TAFA5: variants seen among roughly 807,000 people sequenced by gnomAD.
TAFA5 encodes the protein chemokine-like protein TAFA-5.
Under a neutral mutation model 15.3 loss-of-function variants are expected in TAFA5, and 6 were observed. That is an observed-to-expected ratio of 0.39 (90% confidence interval 0.21 to 0.77). The LOEUF (loss-of-function observed/expected upper bound fraction) is 0.77. Ranked by LOEUF, TAFA5 falls within the 30% of genes least tolerant of loss-of-function variation. TAFA5 has a pLI of 0.41. For missense variants in TAFA5, 161 were observed against 193.1 expected (o/e 0.83, Z 0.98); for synonymous variants, 103 against 80.7 (o/e 1.28, Z -1.48).
At chr22:48,494,329 G>T (rs1040928605) in intron 1 of TAFA5, among the ~76,000 whole-genome samples, 1 of 152,136 alleles carries the variant, frequency 6.6e-6, no homozygotes, top group Non-Finnish European at 1.5e-5. Flanking sequence ...AAAATGTGGC[G>T]CTCTGGAGTT....
At chr22:48,559,183 G>T (rs986229966) in intron 1 of TAFA5, among the ~76,000 whole-genome samples, 2 of 152,220 alleles carry the variant, frequency 1.3e-5, no homozygotes, top group Non-Finnish European at 2.9e-5. Context: ...GGGCCATGGT[G>T]TTTTGTGGTG....
chr22:48,610,194 A>G (rs922420960), intron 1 of TAFA5, among the ~76,000 whole-genome samples: 1 of 151,922 alleles, frequency 6.6e-6, no homozygotes, highest in African/African-American at 2.4e-5. Flanking sequence ...GTGGCCCCCG[A>G]GAAGGGCCTG....
chr22:48,650,844 G>A (rs1040547542), intron 2 of TAFA5, among the ~76,000 whole-genome samples: 3 of 152,230 alleles, frequency 2.0e-5, no homozygotes, highest in African/African-American at 4.8e-5. Context: ...GCACCCAGGT[G>A]CGTGATGCCC....
At chr22:48,685,708 G>T (rs78014641) in intron 2 of TAFA5, among the ~76,000 whole-genome samples, 8,775 of 151,880 alleles carry the variant, frequency 0.058, 341 homozygotes, top group South Asian at 0.16. Context: ...GGCCTATGGG[G>T]GTGTCTGTTC....
intron 1 of TAFA5, among the ~76,000 whole-genome samples, chr22:48,498,957 G>C (rs1260342396): frequency 6.6e-6 from 1 of 152,322 alleles, no homozygotes; most frequent in East Asian, 1.9e-4. Context: ...GGGCCAGCGT[G>C]GGGGTCTGAG....
intron 2 of TAFA5, among the ~76,000 whole-genome samples, chr22:48,694,293 A>G (rs118125542): frequency 0.031 from 4,793 of 152,356 alleles, 103 homozygotes; most frequent in Non-Finnish European, 0.049. Context: ...CAACGCTCAG[A>G]AAGCTGGGGA....
At chr22:48,679,671 C>T (rs1442202027) in intron 2 of TAFA5, among the ~76,000 whole-genome samples, 1 of 123,628 alleles carries the variant, frequency 8.1e-6, no homozygotes, top group African/African-American at 3.5e-5. Flanking sequence ...CCATCCCTCT[C>T]CCGTCTCCCC....
intron 1 of TAFA5, among the ~76,000 whole-genome samples, chr22:48,540,193 G>A (rs962974628): frequency 1.3e-5 from 2 of 152,200 alleles, no homozygotes; most frequent in African/African-American, 4.8e-5. Context: ...GGTTAGACCC[G>A]TGTAGGTCAC....
chr22:48,563,477 T>G (rs1923307450), intron 1 of TAFA5, among the ~76,000 whole-genome samples: 2 of 152,196 alleles, frequency 1.3e-5, no homozygotes, highest in African/African-American at 4.8e-5. Flanking sequence ...TCTGAGTGTC[T>G]GAAGGCGGGT....
chr22:48,736,589 T>G (rs929375943), intron 3 of TAFA5, among the ~76,000 whole-genome samples: 1 of 152,208 alleles, frequency 6.6e-6, no homozygotes, highest in Non-Finnish European at 1.5e-5. Flanking sequence ...AGAGCCCAAG[T>G]GTCCGTCAGC....
intron 3 of TAFA5, among the ~76,000 whole-genome samples, chr22:48,720,573 C>G (rs903509535): frequency 2.0e-5 from 3 of 152,118 alleles, no homozygotes; most frequent in Non-Finnish European, 2.9e-5. Flanking sequence ...CCGTGCATAG[C>G]CAGGACAGAG....
At chr22:48,504,743 G>A (rs1360745593) in intron 1 of TAFA5, among the ~76,000 whole-genome samples, 1 of 152,204 alleles carries the variant, frequency 6.6e-6, no homozygotes, top group African/African-American at 2.4e-5. Context: ...TGTTCTGGGA[G>A]CTTATCAGAG....
At chr22:48,692,563 C>T (rs1005429217) in intron 2 of TAFA5, among the ~76,000 whole-genome samples, 1 of 152,196 alleles carries the variant, frequency 6.6e-6, no homozygotes, top group Non-Finnish European at 1.5e-5. Context: ...CATGCCTGCC[C>T]TTACCTGGTT....
chr22:48,501,807 C>A (rs1167506787), intron 1 of TAFA5, among the ~76,000 whole-genome samples: 1 of 152,198 alleles, frequency 6.6e-6, no homozygotes, highest in East Asian at 1.9e-4. Context: ...CCTCTCTGTG[C>A]CCCGGAGGGT....
chr22:48,709,350 A>G (rs5771997), intron 3 of TAFA5, among the ~76,000 whole-genome samples: 52,277 of 152,150 alleles, frequency 0.34, 9,548 homozygotes, highest in Non-Finnish European at 0.4. Context: ...GTGCTCTACC[A>G]TGTCCTTACT....
chr22:48,678,664 A>G lies in TAFA5; in HGVS notation c.263-29053A>G, dbSNP rs113311897. Among the ~76,000 whole-genome samples the G allele has an allele frequency of 6.5e-3, 979 of 151,674 alleles. 18 individuals are homozygous for G. Among genetic ancestry groups the G allele is most frequent in the African/African-American group, 0.022 (927 of 41,522 alleles). On this transcript the variant is annotated intron_variant, in intron 2 of 3. Transcript: ENST00000402357. ...GGAAAAGTGTCCTCAGCCCACCCAC[A>G]GGACGGAAGCCCTGCGCTCAAGGAA...
chr22:48,526,067 G>A (rs1206293914), intron 1 of TAFA5, among the ~76,000 whole-genome samples: 1 of 152,242 alleles, frequency 6.6e-6, no homozygotes, highest in African/African-American at 2.4e-5. Flanking sequence ...TTTCCTGGGT[G>A]GTCTCAGTCA....
chr22:48,631,048 A>G (rs1181477463), intron 1 of TAFA5, among the ~76,000 whole-genome samples: 2 of 152,058 alleles, frequency 1.3e-5, no homozygotes, highest in Non-Finnish European at 2.9e-5. Context: ...AACGTTCTGG[A>G]GGGGGTGTGG....
chr22:48,676,018 G>C (rs1000017660), intron 2 of TAFA5, among the ~76,000 whole-genome samples: 1 of 152,280 alleles, frequency 6.6e-6, no homozygotes, highest in Non-Finnish European at 1.5e-5. Context: ...GGCAGCTGGC[G>C]GTGGGGCAGG....
Sources: allele counts gnomAD v4.1 joint callset (sites outside exome capture counted in the v4.1 genomes callset), GRCh38; gene constraint gnomAD v4.1.1; transcripts MANE v1.5; gene names NCBI Gene and HGNC (gene_info 2026-07-23, HGNC 2026-07-21).